IL23R: variants seen among roughly 807,000 people sequenced by gnomAD.
IL23R encodes the protein interleukin 23 receptor.
Under a neutral mutation model 56.9 loss-of-function variants are expected in IL23R, and 34 were observed. That is an observed-to-expected ratio of 0.60 (90% CI 0.45 to 0.80). The LOEUF is 0.80. Among genes scored for constraint, IL23R ranks in the 30% least tolerant of loss-of-function variants. IL23R has a pLI of 0.00. For synonymous variants in IL23R, 230 were observed against 249.2 expected (o/e 0.92, Z 0.73); for missense variants, 635 against 730.0 (o/e 0.87, Z 1.50).
intron 3 of IL23R, among the ~76,000 whole-genome samples, chr1:67,173,739 TAGAG>T (rs533451729): frequency 1.1e-4 from 17 of 152,302 alleles, no homozygotes; most frequent in African/African-American, 3.4e-4. Flanking sequence ...GCATTGAATA[TAGAG>T]AGTTTTTAAA....
intron 4 of IL23R, among the ~76,000 whole-genome samples, 159 bp from the exon 5 acceptor site, chr1:67,200,578 T>C (rs1648552764): frequency 6.6e-6 from 1 of 151,596 alleles, no homozygotes; most frequent in African/African-American, 2.4e-5. Context: ...AGAGACAGGG[T>C]TTCACCATGT....
At chr1:67,223,952 T>G (rs921286386) in intron 7 of IL23R, among the ~76,000 whole-genome samples, 1 of 151,496 alleles carries the variant, frequency 6.6e-6, no homozygotes, top group Non-Finnish European at 1.5e-5. Flanking sequence ...AAGATGCTGA[T>G]GTATGTTGTC....
chr1:67,263,863 C>T (rs1167992104), downstream of IL23R, among the ~76,000 whole-genome samples: 3 of 134,184 alleles, frequency 2.2e-5, no homozygotes, highest in African/African-American at 8.4e-5. Context: ...GACTCCATCG[C>T]AAAAAAAAAA....
At chr1:67,219,094 C>G (rs1178731491) in intron 6 of IL23R, among the ~76,000 whole-genome samples, 3 of 150,702 alleles carry the variant, frequency 2.0e-5, no homozygotes, top group Non-Finnish European at 4.4e-5. Flanking sequence ...GGGCTGGGCA[C>G]GGTGGCTCAC....
In IL23R at chr1:67,173,919, T is replaced by G. The variant is rs374435285; in HGVS notation, c.367+4281T>G. ...CCACTAATTGAACCATTTTGCAACC[T>G]GCTTTTTTCACTTTGCCATATGATC... On this transcript the variant is annotated intron_variant, in intron 3 of 10. Coordinates refer to ENST00000347310, the MANE Select transcript of IL23R (RefSeq NM_144701.3). Among the ~76,000 whole-genome samples the G allele has an allele frequency of 7.2e-5, 11 of 152,292 alleles. No individual in the cohort carries two copies. The South Asian group carries it at 2.1e-3, about 29-fold the overall frequency.
intron 9 of IL23R, among the ~76,000 whole-genome samples, chr1:67,241,185 T>C (rs1217997646): frequency 2.0e-5 from 3 of 152,204 alleles, no homozygotes; most frequent in Non-Finnish European, 4.4e-5. Flanking sequence ...ACTTTAGTCA[T>C]TGATGTCACT....
chr1:67,217,450 C>T (rs575170269), intron 6 of IL23R, among the ~76,000 whole-genome samples: 13 of 152,060 alleles, frequency 8.5e-5, no homozygotes, highest in African/African-American at 1.2e-4. Flanking sequence ...CTGTACTTTA[C>T]GGTATTTCTT....
At chr1:67,196,290 T>A (rs1648147882) in intron 4 of IL23R, 1 of 152,138 alleles carries the variant, frequency 6.6e-6, no homozygotes. Context: ...ATGCTTGTAA[T>A]CCTCACGTGG....
chr1:67,203,964 T>G (rs1240808166), intron 5 of IL23R, among the ~76,000 whole-genome samples: 6 of 152,248 alleles, frequency 3.9e-5, no homozygotes, highest in African/African-American at 1.4e-4. Flanking sequence ...TATATAAATA[T>G]GGATAAATAT....
At chr1:67,212,819 T>A (rs1649581998) in intron 6 of IL23R, among the ~76,000 whole-genome samples, 1 of 152,140 alleles carries the variant, frequency 6.6e-6, no homozygotes. Flanking sequence ...CCTCCCAAAG[T>A]GCTGGTATTA....
At chr1:67,209,375 C>T (rs1043181497) in intron 6 of IL23R, among the ~76,000 whole-genome samples, 2 of 152,138 alleles carry the variant, frequency 1.3e-5, no homozygotes, top group Non-Finnish European at 2.9e-5. Flanking sequence ...CATCAAATCT[C>T]AACTTGAATT....
intron 3 of IL23R, among the ~76,000 whole-genome samples, chr1:67,182,290 C>G (rs181332643): frequency 6.6e-6 from 1 of 152,202 alleles, no homozygotes; most frequent in African/African-American, 2.4e-5. Context: ...CCACCCAGTT[C>G]GAGCTTCCCA....
chr1:67,170,673 C>T (rs1417870120), intron 3 of IL23R, among the ~76,000 whole-genome samples: 2 of 152,136 alleles, frequency 1.3e-5, no homozygotes, highest in Non-Finnish European at 2.9e-5. Context: ...AACCCATTTT[C>T]AGTAAAAAAA....
At chr1:67,186,695 T>A (rs1647361820) in intron 4 of IL23R, among the ~76,000 whole-genome samples, 1 of 151,794 alleles carries the variant, frequency 6.6e-6, no homozygotes, top group Non-Finnish European at 1.5e-5. Context: ...CTCGGCTCAC[T>A]ACAACCTCTG....
At chr1:67,250,059 AT>A (rs1385187746) in intron 9 of IL23R, among the ~76,000 whole-genome samples, 2 of 152,218 alleles carry the variant, frequency 1.3e-5, no homozygotes, top group Non-Finnish European at 2.9e-5. Flanking sequence ...TTTTAATCTA[AT>A]TTAAAACAAT....
At chr1:67,214,689 T>G (rs962871892) in intron 6 of IL23R, among the ~76,000 whole-genome samples, 1 of 152,220 alleles carries the variant, frequency 6.6e-6, no homozygotes, top group Non-Finnish European at 1.5e-5. Context: ...TATTACATAC[T>G]CCTATTTACA....
rs190812244 is a variant in IL23R at position 67,151,907 on chromosome 1, C to T, written c.-634+12746C>T. ...AAGTCAGGTAGTGTGATGCCTCCAG[C>T]TTTCTTCTTTTTGCTTAGGATTGTC... is the stretch of plus-strand genomic sequence containing the variant. On this transcript the variant is annotated intron_variant, in intron 1 of 10. Coordinates refer to the IL23R transcript ENST00000637002. Among the ~76,000 whole-genome samples, 68 of 152,248 alleles carry T rather than the reference C, an allele frequency of 4.5e-4. 1 individual carries two copies. Among genetic ancestry groups the T allele is most frequent in the African/African-American group, 1.6e-3 (66 of 41,540 alleles).
At chr1:67,264,027 G>A (rs1269437241), downstream of IL23R, among the ~76,000 whole-genome samples, 1 of 152,210 alleles carries the variant, frequency 6.6e-6, no homozygotes, top group East Asian at 1.9e-4. Context: ...GAGGCTAGGA[G>A]CTGTGCTCTT....
chr1:67,192,164 G>A (rs751342905), intron 4 of IL23R, among the ~76,000 whole-genome samples: 2 of 152,208 alleles, frequency 1.3e-5, no homozygotes, highest in Non-Finnish European at 2.9e-5. Context: ...AGTTCCAGAG[G>A]CTCAAAGCCA....
Sources: allele counts gnomAD v4.1 joint callset (sites outside exome capture counted in the v4.1 genomes callset), GRCh38; gene constraint gnomAD v4.1.1; transcripts MANE v1.5; gene names NCBI Gene and HGNC (gene_info 2026-07-23, HGNC 2026-07-21).